Variants in GABRB1 observed in about 807,000 individuals in gnomAD.
GABRB1 encodes the protein gamma-aminobutyric acid receptor subunit beta-1.
A neutral mutation model predicts 51.6 loss-of-function variants in GABRB1; 17 were observed. The ratio of observed to expected loss-of-function variants is 0.33; its 90% CI spans 0.23 to 0.49. GABRB1 has a LOEUF of 0.49. Ranked by LOEUF, GABRB1 falls within the 20% of genes least tolerant of loss-of-function variation. The pLI is 0.99. For synonymous variants in GABRB1, 247 were observed against 218.9 expected, an observed-to-expected ratio of 1.13 and a Z score of -1.14; for missense variants, 410 against 600.6, an observed-to-expected ratio of 0.68 and a Z score of 3.32.
At chr4:47,377,149 T>A (rs1446125161) in intron 5 of GABRB1, among the ~76,000 whole-genome samples, 2 of 152,188 alleles carry the variant, frequency 1.3e-5, no homozygotes, top group Non-Finnish European at 2.9e-5. Flanking sequence ...GTGCGTTTTT[T>A]TGTTTTGTTT....
intron 3 of GABRB1, among the ~76,000 whole-genome samples, chr4:47,092,485 T>C (rs1358447528): frequency 6.6e-6 from 1 of 152,020 alleles, no homozygotes; most frequent in African/African-American, 2.4e-5. Flanking sequence ...TTCCCAGGAA[T>C]TCTAAAGGGC....
intron 5 of GABRB1, among the ~76,000 whole-genome samples, chr4:47,393,956 T>A (rs1249072493): frequency 6.6e-6 from 1 of 152,260 alleles, no homozygotes; most frequent in Non-Finnish European, 1.5e-5. Context: ...GTTTAGAGAA[T>A]TAGGTATGTT....
intron 5 of GABRB1, among the ~76,000 whole-genome samples, chr4:47,352,907 A>G: frequency 6.6e-6 from 1 of 152,152 alleles, no homozygotes; most frequent in East Asian, 1.9e-4. Flanking sequence ...TTAAGCAAAA[A>G]CTATGTATTA....
At chr4:47,315,138 A>C (rs969494604) in intron 4 of GABRB1, among the ~76,000 whole-genome samples, 2 of 152,082 alleles carry the variant, frequency 1.3e-5, no homozygotes, top group Admixed American at 6.6e-5. Flanking sequence ...CAAACTACAC[A>C]TCTGACAAAG....
intron 3 of GABRB1, among the ~76,000 whole-genome samples, chr4:47,077,294 G>T (rs1331779153): frequency 6.6e-6 from 1 of 152,156 alleles, no homozygotes. Flanking sequence ...CTTGTTGGGA[G>T]CTAGATTTCT....
At chr4:47,210,108 T>C (rs1380621645) in intron 4 of GABRB1, among the ~76,000 whole-genome samples, 5 of 152,116 alleles carry the variant, frequency 3.3e-5, no homozygotes, top group African/African-American at 1.2e-4. Context: ...ACTCAAATGA[T>C]GTGTCATTAA....
At chr4:47,189,160 TAA>T (rs917806955) in intron 4 of GABRB1, among the ~76,000 whole-genome samples, 29 of 151,902 alleles carry the variant, frequency 1.9e-4, no homozygotes, top group Admixed American at 1.4e-3. Flanking sequence ...GAGTGACGTC[TAA>T]AAAGTTACCA....
At chr4:47,147,459 G>A (rs889338256) in intron 3 of GABRB1, among the ~76,000 whole-genome samples, 1 of 152,056 alleles carries the variant, frequency 6.6e-6, no homozygotes, top group Non-Finnish European at 1.5e-5. Context: ...GCAAATAGTA[G>A]TTTGGGCATC....
intron 1 of GABRB1, among the ~76,000 whole-genome samples, chr4:47,009,769 C>A (rs951909388): frequency 1.3e-5 from 2 of 152,070 alleles, no homozygotes; most frequent in Non-Finnish European, 2.9e-5. Flanking sequence ...GAGAAGTGTG[C>A]CAAAAACATT....
intron 4 of GABRB1, among the ~76,000 whole-genome samples, chr4:47,208,867 T>C (rs1344218488): frequency 6.6e-6 from 1 of 152,116 alleles, no homozygotes; most frequent in Non-Finnish European, 1.5e-5. Flanking sequence ...TAAGACCAAC[T>C]ACATTGCTCA....
chr4:47,296,765 G>A (rs963714345), intron 4 of GABRB1, among the ~76,000 whole-genome samples: 2 of 152,112 alleles, frequency 1.3e-5, no homozygotes, highest in Non-Finnish European at 2.9e-5. Context: ...GGACCTAATA[G>A]ACATCTACAA....
At chr4:47,377,353 T>C (rs566752968) in intron 5 of GABRB1, among the ~76,000 whole-genome samples, 1 of 151,298 alleles carries the variant, frequency 6.6e-6, no homozygotes, top group East Asian at 1.9e-4. Flanking sequence ...GCCGTGAGTG[T>C]TACAGTTCTT....
At chr4:47,270,387 A>G (rs1722825521) in intron 4 of GABRB1, among the ~76,000 whole-genome samples, 1 of 152,198 alleles carries the variant, frequency 6.6e-6, no homozygotes. Context: ...ATTAACCTGC[A>G]GGAGCCTTTC....
intron 4 of GABRB1, among the ~76,000 whole-genome samples, chr4:47,259,578 A>AC (rs1722345147): frequency 6.6e-6 from 1 of 152,168 alleles, no homozygotes; most frequent in Non-Finnish European, 1.5e-5. Context: ...ATCATACAAA[A>AC]TAGGCATTAT....
rs113394566 is a variant in GABRB1 at position 47,369,676 on chromosome 4, G to A, written c.545-33642G>A. Among the ~76,000 whole-genome samples, 1,033 of 152,038 alleles carry A rather than the reference G, an allele frequency of 6.8e-3. 5 individuals carry two copies. The highest frequency in any genetic ancestry group is 9.8e-3 in the Non-Finnish European group (666 of 67,982). Reference sequence around the variant, plus strand: ...CTCTTTGGGCCTTAGTTTTCACTTGGCAAACTAAGGAAGCCAATTTCCAAA... The same window carrying A: ...CTCTTTGGGCCTTAGTTTTCACTTGACAAACTAAGGAAGCCAATTTCCAAA... On this transcript the variant is annotated intron_variant, in intron 5 of 8. Transcript: ENST00000295454.
chr4:47,228,127 G>C (rs1265827469), intron 4 of GABRB1, among the ~76,000 whole-genome samples: 2 of 152,094 alleles, frequency 1.3e-5, no homozygotes, highest in Admixed American at 6.6e-5. Flanking sequence ...TCCTTCTAAT[G>C]TGCAAATTAC....
chr4:47,139,953 G>T (rs1379301157), intron 3 of GABRB1, among the ~76,000 whole-genome samples: 1 of 151,960 alleles, frequency 6.6e-6, no homozygotes, highest in Non-Finnish European at 1.5e-5. Context: ...AAAAGTTTAA[G>T]TAAATAGTAA....
At chr4:47,154,626 T>A (rs1375318429) in intron 3 of GABRB1, among the ~76,000 whole-genome samples, 10 of 152,014 alleles carry the variant, frequency 6.6e-5, no homozygotes, top group Non-Finnish European at 1.5e-4. Context: ...ACTACAGCTT[T>A]TTCTGGTTGG....
At chr4:47,060,305 A>G (rs1726791214) in intron 3 of GABRB1, among the ~76,000 whole-genome samples, 1 of 152,114 alleles carries the variant, frequency 6.6e-6, no homozygotes, top group African/African-American at 2.4e-5. Context: ...ATACCAGACT[A>G]CTCTTAAGTT....
Sources: gnomAD v4.1 joint callset for allele counts (sites outside exome capture counted in the v4.1 genomes callset) on GRCh38, gnomAD v4.1.1 for gene constraint, MANE v1.5 for transcripts, NCBI Gene and HGNC (gene_info 2026-07-23, HGNC 2026-07-21) for gene names.